Variants in SPMIP4 observed in about 807,000 individuals in gnomAD.
The protein encoded by SPMIP4 is sperm-associated microtubule inner protein 4.
At chr7:25,169,977 T>A in the SPMIP4 span, among the ~76,000 whole-genome samples, 1 of 152,230 alleles carries the variant, frequency 6.6e-6, no homozygotes, top group African/African-American at 2.4e-5. Context: ...ATTTTCACCT[T>A]TTAACTCTCG....
At chr7:25,169,871 C>T in the SPMIP4 span, among the ~76,000 whole-genome samples, 6 of 152,198 alleles carry the variant, frequency 3.9e-5, no homozygotes, top group African/African-American at 1.4e-4. Flanking sequence ...GTCACTGTGC[C>T]CAGCCCTTCA....
the SPMIP4 span, among the ~76,000 whole-genome samples, chr7:25,140,571 G>C: frequency 2.6e-5 from 4 of 151,712 alleles, no homozygotes; most frequent in Non-Finnish European, 5.9e-5. Context: ...CAAAGTGCTG[G>C]GATTATAGGC....
the SPMIP4 span, chr7:25,179,145 CTT>C: frequency 6.4e-7 from 1 of 1,573,630 alleles, no homozygotes; most frequent in South Asian, 1.2e-5. Context: ...ACTGCTTTTT[CTT>C]GTTTGCTTTT....
the SPMIP4 span, among the ~76,000 whole-genome samples, chr7:25,175,523 A>C: frequency 6.6e-6 from 1 of 152,196 alleles, no homozygotes; most frequent in African/African-American, 2.4e-5. Flanking sequence ...AGTGAGTGCC[A>C]TGATGGCTGC....
At chr7:25,142,622 A>C in the SPMIP4 span, 1 of 1,587,526 alleles carries the variant, frequency 6.3e-7, no homozygotes, top group Non-Finnish European at 8.6e-7. Context: ...TTTTACTTGT[A>C]TGAAAGTGAA....
the SPMIP4 span, among the ~76,000 whole-genome samples, chr7:25,137,865 G>A: frequency 6.6e-6 from 1 of 152,180 alleles, no homozygotes; most frequent in East Asian, 1.9e-4. Flanking sequence ...CCCATAATAT[G>A]GGGTAATTTA....
the SPMIP4 span, among the ~76,000 whole-genome samples, chr7:25,146,426 A>T: frequency 6.6e-6 from 1 of 152,162 alleles, no homozygotes; most frequent in Non-Finnish European, 1.5e-5. Flanking sequence ...AGTCATGGAG[A>T]GGTGCACTGT....
At chr7:25,129,973 C>T in the SPMIP4 span, among the ~76,000 whole-genome samples, 1 of 151,980 alleles carries the variant, frequency 6.6e-6, no homozygotes, top group Admixed American at 6.6e-5. Flanking sequence ...TGTGGTGGCT[C>T]ATGCCTGTAA....
the SPMIP4 span, among the ~76,000 whole-genome samples, chr7:25,145,999 C>T: frequency 6.6e-6 from 1 of 152,042 alleles, no homozygotes; most frequent in African/African-American, 2.4e-5. Flanking sequence ...AAAAGGTTTA[C>T]TGTGGAGACC....
chr7:25,131,502 G>A, the SPMIP4 span, among the ~76,000 whole-genome samples: 1 of 152,152 alleles, frequency 6.6e-6, no homozygotes, highest in African/African-American at 2.4e-5. The surrounding 1 kb of genome is among the most constrained non-coding windows in gnomAD (Gnocchi z 4.2). Flanking sequence ...GACCTGAGAA[G>A]GTAGAGAAAA....
At chr7:25,134,763 TAAA>T in the SPMIP4 span, 4 of 985,294 alleles carry the variant, frequency 4.1e-6, no homozygotes, top group Non-Finnish European at 4.8e-6. Flanking sequence ...TACTCTGTGA[TAAA>T]AAGTGTGTAC....
At chr7:25,125,855 C>A in the SPMIP4 span, 2 of 952,756 alleles carry the variant, frequency 2.1e-6, no homozygotes, top group Non-Finnish European at 2.5e-6. Context: ...CAGCTCGTGA[C>A]CTTGTTCTAG....
chr7:25,132,722 TATAA>T, the SPMIP4 span, among the ~76,000 whole-genome samples: 1 of 152,306 alleles, frequency 6.6e-6, no homozygotes, highest in Non-Finnish European at 1.5e-5. This position sits in a 1 kb window ranked among gnomAD's most constrained non-coding sequence, Gnocchi z 5.0. Flanking sequence ...TATCTGTGTA[TATAA>T]AGGATAAACA....
At chr7:25,164,461 G>C in the SPMIP4 span, among the ~76,000 whole-genome samples, 2 of 152,092 alleles carry the variant, frequency 1.3e-5, no homozygotes, top group Non-Finnish European at 2.9e-5. Flanking sequence ...TGGAGTTAAT[G>C]AAACACTATA....
chr7:25,127,846 C>T, the SPMIP4 span, among the ~76,000 whole-genome samples: 18 of 152,300 alleles, frequency 1.2e-4, no homozygotes, highest in African/African-American at 4.3e-4. Context: ...CTTGGGATGG[C>T]TTTCCAAGTA....
the SPMIP4 span, among the ~76,000 whole-genome samples, chr7:25,159,982 T>A: frequency 7.6e-6 from 1 of 131,324 alleles, no homozygotes; most frequent in East Asian, 2.4e-4. Flanking sequence ...TTGATTTGAT[T>A]CGAAATGAAA....
At chr7:25,135,108 C>T in the SPMIP4 span, 1 of 355,218 alleles carries the variant, frequency 2.8e-6, no homozygotes, top group Non-Finnish European at 3.9e-6. Context: ...CCTCTTGGCA[C>T]ATTAAATGAA....
At chr7:25,136,669 C>T in the SPMIP4 span, 782 of 1,614,026 alleles carry the variant, frequency 4.8e-4, no homozygotes, top group Non-Finnish European at 6.2e-4. This position sits in a 1 kb window ranked among gnomAD's most constrained non-coding sequence, Gnocchi z 5.7. Flanking sequence ...TCTAGGAGTA[C>T]AATCTGGACA....
chr7:25,134,145 A>C, the SPMIP4 span, among the ~76,000 whole-genome samples: 1 of 152,064 alleles, frequency 6.6e-6, no homozygotes, highest in Admixed American at 6.6e-5. Context: ...CTGTAATCCC[A>C]GCTACTTGGG....
Sources: allele counts gnomAD v4.1 joint callset (sites outside exome capture counted in the v4.1 genomes callset), GRCh38; gene constraint gnomAD v4.1.1; non-coding constraint Gnocchi (gnomAD v3.1); transcripts MANE v1.5; gene names NCBI Gene and HGNC (gene_info 2026-07-23, HGNC 2026-07-21).